The following CUX1 variants were observed in gnomAD, a reference collection of about 807,000 sequenced individuals.
CUX1 encodes protein CASP.
A neutral mutation model predicts 158.8 loss-of-function variants in CUX1; 31 were observed. That is an observed-to-expected ratio of 0.20 (90% CI 0.15 to 0.26). CUX1 has a LOEUF of 0.26. Among genes scored for constraint, CUX1 ranks in the 10% least tolerant of loss-of-function variants. The pLI is 1.00. For synonymous variants in CUX1, 879 were observed against 862.1 expected, an observed-to-expected ratio of 1.02 and a Z score of -0.34; for missense variants, 1,589 against 2,014.6, an observed-to-expected ratio of 0.79 and a Z score of 4.04.
At chr7:102,020,158 C>T (rs1819176261) in intron 2 of CUX1, among the ~76,000 whole-genome samples, 1 of 152,186 alleles carries the variant, frequency 6.6e-6, no homozygotes, top group African/African-American at 2.4e-5. Context: ...TTACTGTCTG[C>T]TGTTGTATAG....
chr7:102,260,112 A>G (rs1790280830), downstream of CUX1, among the ~76,000 whole-genome samples: 17 of 151,804 alleles, frequency 1.1e-4, no homozygotes, highest in South Asian at 3.5e-3. Flanking sequence ...GAAAAAAAAA[A>G]AAAGGAACAC....
intron 5 of CUX1, among the ~76,000 whole-genome samples, chr7:102,103,090 C>T (rs1408182882): frequency 1.3e-5 from 2 of 152,200 alleles, no homozygotes; most frequent in Admixed American, 6.5e-5. Flanking sequence ...CCTGCGCTTT[C>T]CCAAGACAGC....
chr7:102,195,514 C>A lies in CUX1; in HGVS notation c.1133C>A (p.Ala378Asp), dbSNP rs1554517991. ...PSEGAGTQDA[A>D]KPLEVLLLEK... ...CCGCTCTGCCCCTTCTAGGATGCGG[C>A]CAAGCCCCTGGAGGTGCTGTTGCTG... The change falls in exon 14 of 24, where the codon GCC becomes GAC. Residue 378 changes from alanine (A) to aspartate (D), a missense_variant. Coordinates refer to ENST00000292535, the MANE Select transcript of CUX1 (RefSeq NM_181552.4). 1.2e-6 allele frequency: 2 copies of A among 1,611,614 alleles called. No homozygotes were observed. Among genetic ancestry groups the A allele is most frequent in the African/African-American group, 2.7e-5 (2 of 74,930 alleles).
rs143559353 is a variant in CUX1, at chr7:102,230,232, T to G, written c.3433+2563T>G. On this transcript the variant is annotated intron_variant, in intron 21 of 23. Transcript: ENST00000292535. ...ACAGGTGGCCTGTAACCCTAGCACT[T>G]TGGGAGGCTGAGGCAGGTGGATCAC... 5.5e-3 allele frequency among the ~76,000 whole-genome samples: 835 copies of G among 152,046 alleles called. 9 individuals are homozygous for G. The highest frequency in any genetic ancestry group is 0.019 in the African/African-American group (791 of 41,476).
chr7:102,035,963 C>T (rs534790691), intron 3 of CUX1, among the ~76,000 whole-genome samples: 15 of 152,248 alleles, frequency 9.9e-5, no homozygotes, highest in African/African-American at 3.4e-4. Context: ...CCTCCACCTC[C>T]CGGATTCAAG....
At chr7:101,853,584 GGTGTGTGTGTGT>G (rs59324904) in intron 1 of CUX1, among the ~76,000 whole-genome samples, 8 of 140,868 alleles carry the variant, frequency 5.7e-5, no homozygotes, top group African/African-American at 8.2e-5. Context: ...CAATAGAAAG[GGTGTGTGTGTGT>G]GTGTGTGTGT....
At chr7:102,222,820 T>TTTTTTTTTTTTTG (rs1797950752) in intron 20 of CUX1, among the ~76,000 whole-genome samples, 1 of 52,064 alleles carries the variant, frequency 1.9e-5, no homozygotes, top group Non-Finnish European at 4.1e-5. Context: ...TCTTTTTTTT[T>TTTTTTTTTTTTTG]TTTTTTTTTT....
Position 102,100,534 on chromosome 7 carries a change from G to C in CUX1, c.406+3033G>C, listed in dbSNP as rs137953768. Among the ~76,000 whole-genome samples, 4 of 152,230 alleles carry C rather than the reference G, an allele frequency of 2.6e-5. No individual in the cohort carries two copies. In the East Asian group the frequency reaches 7.7e-4, roughly 29 times the overall value. On this transcript the variant is annotated intron_variant, in intron 5 of 23. Coordinates refer to ENST00000292535, the MANE Select transcript of CUX1 (RefSeq NM_181552.4). ...AAAGAAATTTACCCTCCTTTATTTGGATAACAAGTTTTCCCAAGCTCCAGA... is the reference window on the plus strand; with the variant it reads ...AAAGAAATTTACCCTCCTTTATTTGCATAACAAGTTTTCCCAAGCTCCAGA...
intron 18 of CUX1, 67 bp downstream of exon 18, chr7:102,202,271 T>TC: frequency 6.6e-7 from 1 of 1,525,600 alleles, no homozygotes; most frequent in Non-Finnish European, 8.8e-7. Context: ...CAAGTATCTA[T>TC]CCCGCAGCCT....
intron 2 of CUX1, among the ~76,000 whole-genome samples, chr7:101,952,627 G>A (rs976462005): frequency 3.9e-5 from 6 of 152,140 alleles, no homozygotes; most frequent in Admixed American, 6.6e-5. Flanking sequence ...TACTGATGCC[G>A]AACCACCTGT....
intron 2 of CUX1, among the ~76,000 whole-genome samples, chr7:102,011,507 C>T (rs1028696195): frequency 7.2e-5 from 11 of 152,058 alleles, no homozygotes; most frequent in Admixed American, 3.3e-4. Context: ...CTCAGCCTCC[C>T]AAGTAGCTGG....
At chr7:101,964,551 C>T (rs1350239582) in intron 2 of CUX1, among the ~76,000 whole-genome samples, 1 of 152,148 alleles carries the variant, frequency 6.6e-6, no homozygotes, top group Non-Finnish European at 1.5e-5. Context: ...TCAAGTTTCT[C>T]ATTCTTTTTT....
chr7:102,101,816 G>A (rs938227231), intron 5 of CUX1, among the ~76,000 whole-genome samples: 2 of 152,054 alleles, frequency 1.3e-5, no homozygotes, highest in Non-Finnish European at 2.9e-5. Context: ...GGAGACTGAG[G>A]CACGAGAATT....
chr7:102,280,542 G>A (rs1554548971), intron 19 of CUX1, among the ~76,000 whole-genome samples: 1 of 152,150 alleles, frequency 6.6e-6, no homozygotes, highest in African/African-American at 2.4e-5. Context: ...CAGAAGTTCT[G>A]CCCGTGGAGT....
chr7:102,212,367 C>G (rs1786595193), intron 20 of CUX1, among the ~76,000 whole-genome samples: 1 of 152,102 alleles, frequency 6.6e-6, no homozygotes, highest in Non-Finnish European at 1.5e-5. Context: ...TGCAGTCCCA[C>G]CTTCCAGCAC....
At chr7:102,049,423 C>T (rs1396221087) in intron 3 of CUX1, among the ~76,000 whole-genome samples, 2 of 152,186 alleles carry the variant, frequency 1.3e-5, no homozygotes, top group Non-Finnish European at 2.9e-5. Context: ...AACTTGGACT[C>T]TGATGTCGAA....
At chr7:102,110,451 G>A (rs1014587266) in intron 6 of CUX1, among the ~76,000 whole-genome samples, 8 of 152,056 alleles carry the variant, frequency 5.3e-5, no homozygotes, top group Non-Finnish European at 8.8e-5. Flanking sequence ...TTACACTATA[G>A]CTTGTTACGT....
chr7:102,004,768 CT>C (rs1053661205), intron 2 of CUX1, among the ~76,000 whole-genome samples: 1 of 152,032 alleles, frequency 6.6e-6, no homozygotes, highest in Non-Finnish European at 1.5e-5. Flanking sequence ...GGCCACACAC[CT>C]GGACAGGTAC....
chr7:101,882,809 C>T (rs183056298), intron 1 of CUX1, among the ~76,000 whole-genome samples: 3 of 152,282 alleles, frequency 2.0e-5, no homozygotes, highest in Non-Finnish European at 4.4e-5. Flanking sequence ...TGGTGACCGG[C>T]GCCCTCTGGG....
Sources: allele counts gnomAD v4.1 joint callset (sites outside exome capture counted in the v4.1 genomes callset), GRCh38; gene constraint gnomAD v4.1.1; transcripts MANE v1.5; gene names NCBI Gene and HGNC (gene_info 2026-07-23, HGNC 2026-07-21).